The following PAMR1 variants were observed in gnomAD, a reference collection of about 807,000 sequenced individuals.
The protein encoded by PAMR1 is peptidase domain containing associated with muscle regeneration 1, also known as inactive serine protease PAMR1.
PAMR1 carries 88 observed loss-of-function variants against 81.8 expected under a neutral mutation model. That is an observed-to-expected ratio of 1.08 (90% confidence interval 0.91 to 1.28). The LOEUF (loss-of-function observed/expected upper bound fraction) is 1.28. PAMR1 is among the 50% of genes most tolerant of loss of function. PAMR1 has a pLI of 0.00. For missense variants in PAMR1, 935 were observed against 919.7 expected (o/e 1.02, Z -0.21); for synonymous variants, 336 against 345.3 (o/e 0.97, Z 0.30).
At chr11:35,453,029 G>A (rs1274238568) in intron 6 of PAMR1, among the ~76,000 whole-genome samples, 2 of 152,176 alleles carry the variant, frequency 1.3e-5, no homozygotes, top group Non-Finnish European at 2.9e-5. Context: ...GGGATAAAGG[G>A]TTAAATATAT....
chr11:35,495,881 T>C (rs936127759), intron 1 of PAMR1, among the ~76,000 whole-genome samples: 1 of 152,216 alleles, frequency 6.6e-6, no homozygotes, highest in African/African-American at 2.4e-5. Context: ...GACAGTTATT[T>C]AAATGGAATA....
intron 6 of PAMR1, among the ~76,000 whole-genome samples, chr11:35,454,924 G>A (rs1856496991): frequency 6.6e-6 from 1 of 152,202 alleles, no homozygotes; most frequent in Non-Finnish European, 1.5e-5. Flanking sequence ...TAACAAAACA[G>A]CATGTACCTA....
chr11:35,456,931 A>G (rs528917996), intron 6 of PAMR1, among the ~76,000 whole-genome samples: 5 of 152,282 alleles, frequency 3.3e-5, no homozygotes, highest in African/African-American at 1.2e-4. Flanking sequence ...TTTTTTTTAA[A>G]ATCAGCAATA....
chr11:35,463,261 G>A (rs1839860862), intron 6 of PAMR1, among the ~76,000 whole-genome samples: 1 of 152,196 alleles, frequency 6.6e-6, no homozygotes, highest in Non-Finnish European at 1.5e-5. Context: ...GGAACCTTCA[G>A]AGACTCCAAA....
At chr11:35,437,541 C>T (rs1260902455) in intron 8 of PAMR1, among the ~76,000 whole-genome samples, 1 of 152,202 alleles carries the variant, frequency 6.6e-6, no homozygotes, top group Non-Finnish European at 1.5e-5. Flanking sequence ...CAAACTCCTC[C>T]CTTGGCTATG....
intron 1 of PAMR1, among the ~76,000 whole-genome samples, chr11:35,517,837 C>T (rs967290203): frequency 9.9e-5 from 15 of 152,198 alleles, no homozygotes; most frequent in Non-Finnish European, 2.1e-4. Flanking sequence ...ATGCCTGGCA[C>T]CCGATAGGGG....
chr11:35,481,776 C>G (rs560202265), intron 3 of PAMR1, among the ~76,000 whole-genome samples: 1 of 152,174 alleles, frequency 6.6e-6, no homozygotes, highest in Non-Finnish European at 1.5e-5. Context: ...ATCGCCTCAG[C>G]CTCCCAAAGT....
At chr11:35,439,573 G>T in intron 8 of PAMR1, 54 bp downstream of exon 8, 2 of 1,398,624 alleles carry the variant, frequency 1.4e-6, no homozygotes, top group Non-Finnish European at 2.0e-6. Context: ...AAGGGGAATG[G>T]AAGGGGAAAT....
intron 3 of PAMR1, among the ~76,000 whole-genome samples, chr11:35,484,265 G>T (rs997325205): frequency 6.6e-6 from 1 of 152,130 alleles, no homozygotes; most frequent in Non-Finnish European, 1.5e-5. Flanking sequence ...ACAAAGATTG[G>T]GTAACCTTGC....
At chr11:35,489,221 T>A (rs1850570363) in intron 3 of PAMR1, among the ~76,000 whole-genome samples, 1 of 152,220 alleles carries the variant, frequency 6.6e-6, no homozygotes, top group South Asian at 2.1e-4. Flanking sequence ...CTCTTATAGA[T>A]GTCCAAATTC....
At chr11:35,519,679 G>A (rs1259596894) in intron 1 of PAMR1, among the ~76,000 whole-genome samples, 2 of 152,178 alleles carry the variant, frequency 1.3e-5, no homozygotes, top group Admixed American at 6.5e-5. Context: ...TGATGCCTCT[G>A]TCTTTTTCCT....
At chr11:35,505,721 C>A (rs185424956) in intron 1 of PAMR1, among the ~76,000 whole-genome samples, 27 of 152,156 alleles carry the variant, frequency 1.8e-4, no homozygotes, top group African/African-American at 6.5e-4. Context: ...TTTTGCCATC[C>A]CTTCACATTC....
At chr11:35,447,496 C>T (rs1205761512) in intron 6 of PAMR1, among the ~76,000 whole-genome samples, 1 of 152,094 alleles carries the variant, frequency 6.6e-6, no homozygotes, top group Non-Finnish European at 1.5e-5. Context: ...AGCCATTGCG[C>T]CTGGCCTTCC....
At chr11:35,508,875 T>C (rs759668754) in intron 1 of PAMR1, among the ~76,000 whole-genome samples, 9 of 152,188 alleles carry the variant, frequency 5.9e-5, no homozygotes, top group Non-Finnish European at 1.0e-4. Flanking sequence ...TGTGAAGGAC[T>C]TGATGTCATT....
intron 6 of PAMR1, among the ~76,000 whole-genome samples, chr11:35,465,629 A>G (rs965535012): frequency 2.6e-5 from 4 of 152,234 alleles, no homozygotes; most frequent in African/African-American, 9.6e-5. Flanking sequence ...ATGAACCTGG[A>G]TCTTACAGAA....
intron 3 of PAMR1, among the ~76,000 whole-genome samples, chr11:35,479,507 C>T (rs908639804): frequency 3.3e-5 from 5 of 152,188 alleles, no homozygotes; most frequent in African/African-American, 9.6e-5. Context: ...TTATTTTTCT[C>T]GAGTCTTGTC....
intron 6 of PAMR1, among the ~76,000 whole-genome samples, chr11:35,444,610 C>T (rs1457707716): frequency 1.3e-5 from 2 of 152,138 alleles, no homozygotes; most frequent in Non-Finnish European, 2.9e-5. Context: ...ATCCTTTCCT[C>T]ATTGCTTGTT....
rs139357674 is a variant in PAMR1, at chr11:35,470,169, T to C, written c.712+432A>G. On this transcript the variant is annotated intron_variant, in intron 5 of 10. Coordinates refer to ENST00000619888, the MANE Select transcript of PAMR1 (RefSeq NM_001001991.3). ...AGAAGGATCTACTATTACTCCCTTA[T>C]CACTCATTAGGAAACAGAGGCCCAG... Among the ~76,000 whole-genome samples, 496 of 152,254 alleles carry C rather than the reference T, an allele frequency of 3.3e-3. 1 individual carries two copies. The highest frequency in any genetic ancestry group is 0.011 in the African/African-American group (452 of 41,552).
At chr11:35,525,624 G>T (rs1187323607), upstream of PAMR1, 3 of 1,592,874 alleles carry the variant, frequency 1.9e-6, no homozygotes, top group Non-Finnish European at 1.7e-6. Flanking sequence ...ACTGGGGAGG[G>T]AGAGGAGGGA....
Sources: allele counts gnomAD v4.1 joint callset (sites outside exome capture counted in the v4.1 genomes callset), GRCh38; gene constraint gnomAD v4.1.1; transcripts MANE v1.5; gene names NCBI Gene and HGNC (gene_info 2026-07-23, HGNC 2026-07-21).